Variants in FAM171B observed in about 807,000 individuals in gnomAD.
FAM171B encodes family with sequence similarity 171 member B, also known as protein FAM171B.
A neutral mutation model predicts 75.6 loss-of-function variants in FAM171B; 19 were observed. The ratio of observed to expected loss-of-function variants is 0.25; its 90% CI spans 0.18 to 0.37. FAM171B has a LOEUF of 0.37. Among genes scored for constraint, FAM171B ranks in the 10% least tolerant of loss-of-function variants. The pLI is 1.00. For synonymous variants in FAM171B, 367 were observed against 361.7 expected (o/e 1.01, Z -0.17); for missense variants, 848 against 982.4 (o/e 0.86, Z 1.83).
intron 6 of FAM171B, among the ~76,000 whole-genome samples, chr2:186,755,091 T>C (rs934678851): frequency 6.6e-6 from 1 of 152,174 alleles, no homozygotes; most frequent in Non-Finnish European, 1.5e-5. Context: ...AAACCCTACA[T>C]TGATCTCAAG....
At chr2:186,741,980 G>T (rs546291462) in intron 2 of FAM171B, among the ~76,000 whole-genome samples, 1 of 152,220 alleles carries the variant, frequency 6.6e-6, no homozygotes, top group Non-Finnish European at 1.5e-5. Context: ...AATGAAATAT[G>T]TGGGTTAAAA....
chr2:186,744,333 G>T (rs1047491123), intron 3 of FAM171B, among the ~76,000 whole-genome samples: 2 of 152,088 alleles, frequency 1.3e-5, no homozygotes, highest in Admixed American at 6.5e-5. Context: ...ATGGTAAAAA[G>T]AACTCTCTGT....
intron 1 of FAM171B, among the ~76,000 whole-genome samples, chr2:186,720,712 AAAAAG>A (rs1396566703): frequency 4.8e-5 from 7 of 144,744 alleles, no homozygotes; most frequent in African/African-American, 7.6e-5. Context: ...AAAAAAAAAA[AAAAAG>A]AAAAGAAAAC....
At chr2:186,754,473 G>A (rs527636033) in intron 6 of FAM171B, among the ~76,000 whole-genome samples, 106 of 152,302 alleles carry the variant, frequency 7.0e-4, no homozygotes, top group African/African-American at 2.4e-3. Context: ...ACTCCTTGCC[G>A]TGCCAGATGG....
chr2:186,762,020 G>A lies in FAM171B; in HGVS notation c.1678G>A (p.Ala560Thr). 1.2e-6 allele frequency: 2 copies of A among 1,613,628 alleles called. No homozygotes were observed. Among genetic ancestry groups the A allele is most frequent in the Middle Eastern group, 1.7e-4 (1 of 6,058 alleles). The change falls in exon 8 of 8, where the codon GCT (alanine) becomes ACT (threonine). Residue 560 changes from alanine to threonine, a missense_variant. By Grantham distance (58) the Ala-to-Thr change is moderately conservative (BLOSUM62 0). Around this residue, in one of 3 missense-constraint regions of FAM171B, gnomAD observed 665 missense variants for 729.0 expected, o/e 0.91. Transcript: ENST00000304698. This position sits in a 1 kb window ranked among gnomAD's most constrained non-coding sequence, Gnocchi z 4.0. The part of the protein sequence containing the change: ...TPEQLHTAKS[A>T]TLPRKGQLVY... The stretch of plus-strand genomic sequence containing the variant: ...GGAACAATTACATACTGCTAAGTCA[G>A]CTACTTTGCCAAGAAAGGGACAGTT...
At chr2:186,740,576 C>A in intron 2 of FAM171B, 115 bp downstream of exon 2, 1 of 876,790 alleles carries the variant, frequency 1.1e-6, no homozygotes, top group Non-Finnish European at 1.7e-6. Flanking sequence ...CTTAAGTCAA[C>A]ATAAGGAGGT....
intron 1 of FAM171B, among the ~76,000 whole-genome samples, chr2:186,724,333 G>C (rs1255257997): frequency 2.0e-5 from 3 of 152,074 alleles, no homozygotes; most frequent in African/African-American, 7.2e-5. Context: ...TTTATGCTGG[G>C]GGTCCTGTGT....
chr2:186,760,187 A>T (rs775258120), intron 6 of FAM171B, among the ~76,000 whole-genome samples: 1 of 152,062 alleles, frequency 6.6e-6, no homozygotes, highest in Non-Finnish European at 1.5e-5. Context: ...TGTTGAAATC[A>T]TCCTAGTCAG....
intron 6 of FAM171B, among the ~76,000 whole-genome samples, chr2:186,754,756 G>A (rs1192032804): frequency 6.6e-6 from 1 of 152,128 alleles, no homozygotes; most frequent in East Asian, 1.9e-4. Context: ...CAGTCCACAG[G>A]CTGTATGCAA....
At chr2:186,738,266 G>A (rs764164901) in intron 1 of FAM171B, among the ~76,000 whole-genome samples, 12 of 152,256 alleles carry the variant, frequency 7.9e-5, no homozygotes, top group East Asian at 1.9e-4. Context: ...TCTGCTGCCC[G>A]CAGTTTGGTG....
At chr2:186,702,987 T>C (rs897646333) in intron 1 of FAM171B, among the ~76,000 whole-genome samples, 1 of 152,022 alleles carries the variant, frequency 6.6e-6, no homozygotes, top group South Asian at 2.1e-4. Context: ...CATTTGCCAG[T>C]ATAATCACTT....
rs546107418 is a variant in FAM171B at position 186,737,160 on chromosome 2, G to T, written c.239-3068G>T. On this transcript the variant is annotated intron_variant, in intron 1 of 7. Coordinates refer to ENST00000304698, the MANE Select transcript of FAM171B (RefSeq NM_177454.4). ...GGAATGGCAGAGGTGGATGGTGACT[G>T]ACTCCAGAACCCGTTTACAGGGGAA... 1.4e-3 allele frequency among the ~76,000 whole-genome samples: 215 copies of T among 152,290 alleles called. 2 individuals are homozygous for T. Among genetic ancestry groups the T allele is most frequent in the African/African-American group, 4.9e-3 (203 of 41,560 alleles).
Position 186,762,756 on chromosome 2 carries a change from C to A in FAM171B, c.2414C>A (p.Ala805Asp), listed in dbSNP as rs765995438. The A allele has an allele frequency of 3.7e-6, 6 of 1,613,254 alleles. No individual in the cohort carries two copies. The Admixed American group carries it at 6.7e-5, about 18-fold the overall frequency. Residue 805 changes from alanine (A) to aspartate (D), a missense_variant, in exon 8 of 8, where the codon GCC (alanine) becomes GAC (aspartate). Ala to Asp is a moderately radical substitution (Grantham distance 126). Coordinates refer to ENST00000304698, the MANE Select transcript of FAM171B (RefSeq NM_177454.4). The surrounding 1 kb of genome is among the most constrained non-coding windows in gnomAD (Gnocchi z 4.0). ...AAAAGAAGGGGCAGACCACCACTAG[C>A]CAAAAGAGATAGCAAGACTAACATC... ...PTKRRGRPPLAKRDSKTNIWK... is the reference protein window; with the variant it reads ...PTKRRGRPPLDKRDSKTNIWK...
chr2:186,707,391 C>T (rs1436191445), intron 1 of FAM171B, among the ~76,000 whole-genome samples: 1 of 152,152 alleles, frequency 6.6e-6, no homozygotes, highest in Non-Finnish European at 1.5e-5. Context: ...ACTGCCTCTG[C>T]TCTGGCTCAG....
chr2:186,734,617 A>G (rs529997031), intron 1 of FAM171B, among the ~76,000 whole-genome samples: 1 of 152,292 alleles, frequency 6.6e-6, no homozygotes, highest in South Asian at 2.1e-4. Flanking sequence ...GATGGGCGGA[A>G]GTACATGCTG....
chr2:186,762,090 C>G lies in FAM171B; in HGVS notation c.1748C>G (p.Thr583Arg). ...LMEPVNRENFTQTLPKMPIHS... is the reference protein window; with the variant it reads ...LMEPVNRENFRQTLPKMPIHS... ...GAACCAGTAAATCGAGAGAACTTTA[C>G]GCAGACCTTGCCCAAAATGCCAATT... The change falls in exon 8 of 8, where the codon ACG (threonine) becomes AGG (arginine). Residue 583 changes from threonine to arginine, a missense_variant. Coordinates refer to ENST00000304698, the MANE Select transcript of FAM171B (RefSeq NM_177454.4). This position sits in a 1 kb window ranked among gnomAD's most constrained non-coding sequence, Gnocchi z 4.0. The G allele has an allele frequency of 6.2e-7, 1 of 1,613,676 alleles. No individual in the cohort carries two copies. Among genetic ancestry groups the G allele is most frequent in the South Asian group, 1.1e-5 (1 of 91,068 alleles).
intron 1 of FAM171B, among the ~76,000 whole-genome samples, chr2:186,722,611 T>G (rs1004176021): frequency 3.0e-4 from 45 of 152,204 alleles, no homozygotes; most frequent in African/African-American, 1.1e-3. Flanking sequence ...ATGTTTATCA[T>G]GCAGTAAAGA....
intron 1 of FAM171B, among the ~76,000 whole-genome samples, chr2:186,695,989 T>A (rs1689572265): frequency 1.1e-5 from 1 of 89,208 alleles, no homozygotes; most frequent in Non-Finnish European, 2.6e-5. Flanking sequence ...GAATTTTGAC[T>A]ACTGTAATAT....
At chr2:186,740,207 T>A in intron 1 of FAM171B, 21 bp from the exon 2 acceptor site, 1 of 1,581,592 alleles carries the variant, frequency 6.3e-7, no homozygotes, top group Non-Finnish European at 8.7e-7. Flanking sequence ...CATGCTGCAA[T>A]TTCTACCTTT....
Sources: allele counts gnomAD v4.1 joint callset (sites outside exome capture counted in the v4.1 genomes callset), GRCh38; gene constraint gnomAD v4.1.1; regional missense constraint gnomAD v4.1.1; non-coding constraint Gnocchi (gnomAD v3.1); transcripts MANE v1.5; gene names NCBI Gene and HGNC (gene_info 2026-07-23, HGNC 2026-07-21).